The following COL22A1 variants were observed in gnomAD, a reference collection of about 807,000 sequenced individuals.
The protein encoded by COL22A1 is collagen alpha-1(XXII) chain.
A neutral mutation model predicts 248.9 loss-of-function variants in COL22A1; 221 were observed. The ratio of observed to expected loss-of-function variants is 0.89; its 90% CI spans 0.80 to 0.99. The LOEUF (loss-of-function observed/expected upper bound fraction) is 0.99. Among genes scored for constraint, COL22A1 ranks in the 50% least tolerant of loss-of-function variants. The pLI is 0.00. For missense variants in COL22A1, 2,240 were observed against 2,179.0 expected, an observed-to-expected ratio of 1.03 and a Z score of -0.56; for synonymous variants, 891 against 793.4, an observed-to-expected ratio of 1.12 and a Z score of -2.07.
chr8:138,589,515 T>G, intron 64 of COL22A1, 75 bp from the exon 65 acceptor site: 1 of 1,214,088 alleles, frequency 8.2e-7, no homozygotes. Context: ...AACTCACAGC[T>G]TCCATTCACT....
intron 2 of COL22A1, among the ~76,000 whole-genome samples, chr8:138,879,176 G>C (rs76486895): frequency 1.5e-4 from 23 of 152,192 alleles, no homozygotes; most frequent in African/African-American, 5.3e-4. Flanking sequence ...TACATACGCT[G>C]TTCTCCCTGC....
intron 22 of COL22A1, among the ~76,000 whole-genome samples, chr8:138,743,149 G>A (rs1242371495): frequency 3.3e-5 from 5 of 151,380 alleles, no homozygotes; most frequent in Admixed American, 3.3e-4. Flanking sequence ...TGGAGTTGAT[G>A]GTGATGGTGG....
chr8:138,782,833 T>A (rs1586733761), intron 12 of COL22A1, among the ~76,000 whole-genome samples: 2 of 152,208 alleles, frequency 1.3e-5, no homozygotes, highest in Admixed American at 1.3e-4. Context: ...GACGGATCAA[T>A]GGAAGCACCC....
chr8:138,895,472 A>G (rs1301603605), intron 1 of COL22A1, among the ~76,000 whole-genome samples: 2 of 152,344 alleles, frequency 1.3e-5, no homozygotes, highest in African/African-American at 2.4e-5. Flanking sequence ...TAAAACAGAA[A>G]CAAAAAGTAA....
chr8:138,655,457 C>T (rs1823157815), intron 45 of COL22A1, among the ~76,000 whole-genome samples: 1 of 152,200 alleles, frequency 6.6e-6, no homozygotes, highest in South Asian at 2.1e-4. Context: ...CTCCCGGGCT[C>T]AAGTGATCCT....
At chr8:138,807,710 C>T (rs1817845521) in intron 10 of COL22A1, 58 bp downstream of exon 10, 1 of 1,529,082 alleles carries the variant, frequency 6.5e-7, no homozygotes, top group South Asian at 1.1e-5. Context: ...CTTATATAGA[C>T]AGCAAAGGAG....
chr8:138,883,298 A>G, intron 1 of COL22A1, 54 bp from the exon 2 acceptor site: 1 of 990,804 alleles, frequency 1.0e-6, no homozygotes, highest in East Asian at 2.7e-5. Context: ...AGTCTGTGAG[A>G]GGCAAACTCT....
At chr8:138,701,154 G>A (rs551892950) in intron 31 of COL22A1, among the ~76,000 whole-genome samples, 3 of 152,136 alleles carry the variant, frequency 2.0e-5, no homozygotes, top group Non-Finnish European at 2.9e-5. Context: ...GTGTCTTCAC[G>A]GATCCCTCTT....
Position 138,821,385 on chromosome 8 carries a change from G to A in COL22A1, c.996C>T (p.Asn332=), listed in dbSNP as rs780376700. The change falls in exon 7 of 65, where the codon AAC becomes AAT. Residue 332 remains asparagine (N), a synonymous_variant. Coordinates refer to ENST00000303045, the MANE Select transcript of COL22A1 (RefSeq NM_152888.3). ...PQVSIRLDGE[N]KAVEYNAVGA... Reference sequence around the variant, plus strand: ...CCACAGCGTTGTACTCGACTGCCTTGTTTTCACCATCCAGCCGGATGGAGA... The same window carrying A: ...CCACAGCGTTGTACTCGACTGCCTTATTTTCACCATCCAGCCGGATGGAGA... 4 of 1,613,578 alleles carry A rather than the reference G, an allele frequency of 2.5e-6. No homozygotes were observed. In the Admixed American group the frequency reaches 6.7e-5, roughly 27 times the overall value.
intron 22 of COL22A1, among the ~76,000 whole-genome samples, chr8:138,738,425 G>A (rs1274996480): frequency 6.6e-6 from 1 of 152,172 alleles, no homozygotes; most frequent in African/African-American, 2.4e-5. Context: ...CATTGTCCTG[G>A]TGGTTTTCTT....
Position 138,613,927 on chromosome 8 carries a change from C to T in COL22A1, c.3925-7G>A. 1 of 1,606,892 alleles carries T rather than the reference C, an allele frequency of 6.2e-7. No homozygotes were observed. The highest frequency in any genetic ancestry group is 8.5e-7 in the Non-Finnish European group (1 of 1,173,414). On this transcript the variant is annotated splice_polypyrimidine_tract_variant and splice_region_variant and intron_variant, in intron 55 of 64. Transcript: ENST00000303045. The stretch of plus-strand genomic sequence containing the variant: ...CAGTGGGTCCAGTGTCACCCTGGAA[C>T]AAAGACAGAGAGATGGTGTCATCAT...
At chr8:138,633,884 C>T (rs962109446) in intron 49 of COL22A1, among the ~76,000 whole-genome samples, 2 of 152,130 alleles carry the variant, frequency 1.3e-5, no homozygotes, top group African/African-American at 4.8e-5. Context: ...GTGCACATGG[C>T]AGAGTTGGGC....
chr8:138,903,276 G>C (rs970701555), intron 1 of COL22A1, among the ~76,000 whole-genome samples: 1 of 152,078 alleles, frequency 6.6e-6, no homozygotes, highest in African/African-American at 2.4e-5. Flanking sequence ...AAATGAAAGA[G>C]GCTGGATTCA....
chr8:138,853,381 T>C (rs967476532), intron 3 of COL22A1, among the ~76,000 whole-genome samples: 1 of 152,124 alleles, frequency 6.6e-6, no homozygotes, highest in African/African-American at 2.4e-5. Flanking sequence ...TCTAATACTA[T>C]CCTCTAATAA....
Position 138,685,307 on chromosome 8 carries a change from T to C in COL22A1, c.2868A>G (p.Ala956=). 6.2e-7 allele frequency: 1 copy of C among 1,613,462 alleles called. No individual in the cohort carries two copies. Among genetic ancestry groups the C allele is most frequent in the Non-Finnish European group, 8.5e-7 (1 of 1,179,640 alleles). The change falls in exon 38 of 65, where the codon GCA becomes GCG. Residue 956 remains alanine (A), a synonymous_variant. Transcript: ENST00000303045. ...GKDGERGEKG[A]AGEEGSPGPV... The stretch of plus-strand genomic sequence containing the variant: ...GCCCTGGGCTGCCTTCTTCCCCCGC[T>C]GCACCCTGGAAAGAAAAGTAGACAT...
intron 16 of COL22A1, among the ~76,000 whole-genome samples, chr8:138,769,897 C>T (rs1280227332): frequency 2.6e-5 from 4 of 152,104 alleles, no homozygotes; most frequent in African/African-American, 9.7e-5. Context: ...GGCTTCAGTC[C>T]CTTCAAAACA....
intron 1 of COL22A1, among the ~76,000 whole-genome samples, chr8:138,902,916 A>C (rs2132168088): frequency 6.6e-6 from 1 of 152,090 alleles, no homozygotes; most frequent in African/African-American, 2.4e-5. Flanking sequence ...TTATGGAAAC[A>C]TGAAACGTTT....
At chr8:138,878,578 C>G (rs933662854) in intron 2 of COL22A1, among the ~76,000 whole-genome samples, 1 of 152,176 alleles carries the variant, frequency 6.6e-6, no homozygotes, top group Non-Finnish European at 1.5e-5. Context: ...GACTAACACC[C>G]ACCGCACAGC....
chr8:138,800,114 C>G (rs1816872237), intron 11 of COL22A1, among the ~76,000 whole-genome samples: 1 of 152,218 alleles, frequency 6.6e-6, no homozygotes, highest in South Asian at 2.1e-4. Flanking sequence ...GAGCTGGGAG[C>G]TGGGACCATG....
Sources: gnomAD v4.1 joint callset for allele counts (sites outside exome capture counted in the v4.1 genomes callset) on GRCh38, gnomAD v4.1.1 for gene constraint, MANE v1.5 for transcripts, NCBI Gene and HGNC (gene_info 2026-07-23, HGNC 2026-07-21) for gene names.